The following PSMA1 variants were observed in gnomAD, a reference collection of about 807,000 sequenced individuals.
The protein encoded by PSMA1 is proteasome subunit alpha type-1.
PSMA1 carries 3 observed loss-of-function variants against 38.4 expected under a neutral mutation model. The observed-to-expected ratio is 0.08, with a 90% CI of 0.04 to 0.20. PSMA1 has a LOEUF of 0.20. PSMA1 is among the 10% of genes least tolerant of loss of function. PSMA1 has a pLI of 1.00. For missense variants in PSMA1, 227 were observed against 325.3 expected (o/e 0.70, Z 2.32); for synonymous variants, 101 against 107.1 (o/e 0.94, Z 0.35).
chr11:14,546,979 T>C (rs1027199798), intron 2 of PSMA1, among the ~76,000 whole-genome samples: 2 of 152,176 alleles, frequency 1.3e-5, no homozygotes, highest in South Asian at 4.1e-4. Context: ...AATATACACA[T>C]GGTGACTAAG....
rs555609412 is a variant in PSMA1, at chr11:14,573,644, T to C, written c.21+37322A>G. On this transcript the variant is annotated intron_variant, in intron 2 of 10. Transcript: ENST00000418988. ...CTCTCACCACTCCTATTCAATATACTATTGGAAGTTCTGGCCAGGGCAATC... is the reference window on the plus strand; with the variant it reads ...CTCTCACCACTCCTATTCAATATACCATTGGAAGTTCTGGCCAGGGCAATC... Among the ~76,000 whole-genome samples the C allele has an allele frequency of 6.6e-5, 10 of 152,318 alleles. No homozygotes were observed. The East Asian group carries it at 1.7e-3, about 26-fold the overall frequency.
At chr11:14,563,843 G>A (rs1275065785) in intron 2 of PSMA1, among the ~76,000 whole-genome samples, 1 of 151,964 alleles carries the variant, frequency 6.6e-6, no homozygotes, top group Non-Finnish European at 1.5e-5. Flanking sequence ...TAGTTTCTAA[G>A]TTGTACTTTC....
intron 2 of PSMA1, among the ~76,000 whole-genome samples, chr11:14,606,610 C>CTGTGCATCAAATTACTGTGCATCTAATTA (rs1281125411): frequency 2.0e-5 from 3 of 152,128 alleles, no homozygotes; most frequent in Non-Finnish European, 2.9e-5. Flanking sequence ...GTTTCTAATT[C>CTGTGCATCAAATTACTGTGCATCTAATTA]ATGTGCATCA....
chr11:14,595,619 G>A (rs1348227297), intron 2 of PSMA1, among the ~76,000 whole-genome samples: 9 of 152,124 alleles, frequency 5.9e-5, no homozygotes, highest in Admixed American at 5.9e-4. Context: ...ATTTGTTTGA[G>A]TTCTTTGTAG....
At chr11:14,588,757 T>A (rs1248215212) in intron 2 of PSMA1, among the ~76,000 whole-genome samples, 1 of 152,244 alleles carries the variant, frequency 6.6e-6, no homozygotes, top group Admixed American at 6.5e-5. Flanking sequence ...TGGCCTATAA[T>A]AAGGCTTTAT....
chr11:14,634,599 C>T (rs1853088091), intron 1 of PSMA1, among the ~76,000 whole-genome samples: 1 of 151,968 alleles, frequency 6.6e-6, no homozygotes, highest in African/African-American at 2.4e-5. Context: ...CCTAACTCAG[C>T]CTTCTGAAGT....
At chr11:14,635,253 TG>T (rs1565064712) in intron 1 of PSMA1, among the ~76,000 whole-genome samples, 1 of 152,230 alleles carries the variant, frequency 6.6e-6, no homozygotes, top group African/African-American at 2.4e-5. Context: ...CATGTTAGAG[TG>T]GATGTTAGTG....
chr11:14,640,212 A>G (rs902041923), intron 1 of PSMA1, among the ~76,000 whole-genome samples: 2 of 152,170 alleles, frequency 1.3e-5, no homozygotes, highest in Non-Finnish European at 2.9e-5. Context: ...GAGAGATCAG[A>G]AGACAGCCAT....
chr11:14,552,277 G>A (rs1193268152), intron 2 of PSMA1, among the ~76,000 whole-genome samples: 1 of 152,220 alleles, frequency 6.6e-6, no homozygotes, highest in Non-Finnish European at 1.5e-5. Flanking sequence ...ACTCCTGAGA[G>A]TGCCCTTCAG....
intron 2 of PSMA1, among the ~76,000 whole-genome samples, chr11:14,535,067 C>T (rs1170238281): frequency 6.6e-6 from 1 of 151,996 alleles, no homozygotes; most frequent in Non-Finnish European, 1.5e-5. Flanking sequence ...GAACGAGACT[C>T]CATCTCAGGA....
chr11:14,611,181 C>A (rs533548641), intron 1 of PSMA1: 2 of 563,448 alleles, frequency 3.5e-6, no homozygotes, highest in South Asian at 4.6e-5. Context: ...GTAAAAGGAA[C>A]ATGAGTTATA....
chr11:14,557,250 T>A (rs1044571649), intron 2 of PSMA1, among the ~76,000 whole-genome samples: 1 of 152,180 alleles, frequency 6.6e-6, no homozygotes, highest in African/African-American at 2.4e-5. Flanking sequence ...TAATTTTTCT[T>A]TTTTTTGAGA....
chr11:14,623,573 C>T (rs1790454837), intron 1 of PSMA1, among the ~76,000 whole-genome samples: 1 of 152,146 alleles, frequency 6.6e-6, no homozygotes, highest in Non-Finnish European at 1.5e-5. Flanking sequence ...TGCAGGTAAA[C>T]ATGAAGAGTT....
At chr11:14,509,625 T>C (rs1851307381) in intron 8 of PSMA1, among the ~76,000 whole-genome samples, 2 of 151,732 alleles carry the variant, frequency 1.3e-5, no homozygotes, top group African/African-American at 4.8e-5. Flanking sequence ...GGTCTCGAAC[T>C]CCTGATCTCA....
chr11:14,570,418 C>T (rs934567956), intron 2 of PSMA1, among the ~76,000 whole-genome samples: 3 of 152,136 alleles, frequency 2.0e-5, no homozygotes, highest in African/African-American at 7.2e-5. Flanking sequence ...CAACCTTCTC[C>T]AAGCTAAAGG....
At chr11:14,639,716 A>T (rs976083669) in intron 1 of PSMA1, among the ~76,000 whole-genome samples, 7 of 152,230 alleles carry the variant, frequency 4.6e-5, no homozygotes, top group African/African-American at 1.7e-4. Flanking sequence ...AGTTATCCAA[A>T]TGCACTATAG....
intron 9 of PSMA1, 106 bp downstream of exon 9, chr11:14,507,550 G>A: frequency 2.6e-6 from 2 of 757,284 alleles, no homozygotes; most frequent in Non-Finnish European, 4.5e-6. Flanking sequence ...TTTGAATTAT[G>A]GGCCCATTTC....
chr11:14,612,596 G>A (rs1852723282), intron 1 of PSMA1, among the ~76,000 whole-genome samples: 1 of 152,112 alleles, frequency 6.6e-6, no homozygotes, highest in African/African-American at 2.4e-5. Flanking sequence ...ATTGTGCTAG[G>A]TGAAAAGAAA....
At chr11:14,603,674 G>A (rs1852610810) in intron 2 of PSMA1, among the ~76,000 whole-genome samples, 2 of 152,160 alleles carry the variant, frequency 1.3e-5, no homozygotes, top group African/African-American at 4.8e-5. Flanking sequence ...AAATTATTAG[G>A]CTTACTAAAA....
Sources: allele counts gnomAD v4.1 joint callset (sites outside exome capture counted in the v4.1 genomes callset), GRCh38; gene constraint gnomAD v4.1.1; transcripts MANE v1.5; gene names NCBI Gene and HGNC (gene_info 2026-07-23, HGNC 2026-07-21).